MAGI2: variants seen among roughly 807,000 people sequenced by gnomAD.
The protein encoded by MAGI2 is membrane-associated guanylate kinase, WW and PDZ domain-containing protein 2.
In MAGI2, 35 loss-of-function variants were observed where a neutral mutation model predicts 133.3. The observed-to-expected ratio is 0.26, with a 90% CI of 0.20 to 0.35. MAGI2 has a LOEUF of 0.35. Among genes scored for constraint, MAGI2 ranks in the 10% least tolerant of loss-of-function variants. The pLI is 1.00. For missense variants in MAGI2, 1,636 were observed against 1,863.4 expected, an observed-to-expected ratio of 0.88 and a Z score of 2.25; for synonymous variants, 729 against 710.6, an observed-to-expected ratio of 1.03 and a Z score of -0.41.
At chr7:78,846,893 G>A (rs1792664081) in intron 2 of MAGI2, among the ~76,000 whole-genome samples, 1 of 151,872 alleles carries the variant, frequency 6.6e-6, no homozygotes, top group African/African-American at 2.4e-5. Flanking sequence ...TTTCCTGGTA[G>A]GGGAAGGGTT....
chr7:79,119,504 A>C (rs990925118), intron 1 of MAGI2, among the ~76,000 whole-genome samples: 1 of 152,132 alleles, frequency 6.6e-6, no homozygotes, highest in African/African-American at 2.4e-5. Flanking sequence ...ATCACATCAA[A>C]TGGATGAAAA....
At chr7:78,091,212 A>G (rs1486038896) in intron 20 of MAGI2, among the ~76,000 whole-genome samples, 3 of 152,152 alleles carry the variant, frequency 2.0e-5, no homozygotes, top group Non-Finnish European at 4.4e-5. Context: ...CTCCAAATTC[A>G]TGTGTTTGAA....
rs55707442 is a variant in MAGI2 at position 78,527,006 on chromosome 7, CAAAAAAAA to C, written c.539-5369_539-5362del. Among the ~76,000 whole-genome samples the C allele has an allele frequency of 5.2e-3, 236 of 45,406 alleles. 1 individual carries two copies. Among genetic ancestry groups the C allele is most frequent in the African/African-American group, 0.014 (211 of 14,620 alleles). 29.8% of individuals were successfully genotyped at this position (45,406 alleles called of 152,430 possible). ...ATGGTGACAGGGCAAGACTCCATCT[CAAAAAAAA>C]AAAAAAAAAAAAAAAAAAAAGAAAA... is the stretch of plus-strand genomic sequence containing the variant. On this transcript the variant is annotated intron_variant, in intron 3 of 21. Coordinates refer to ENST00000354212, the MANE Select transcript of MAGI2 (RefSeq NM_012301.4).
At chr7:78,796,591 T>C (rs1787635369) in intron 2 of MAGI2, among the ~76,000 whole-genome samples, 1 of 152,060 alleles carries the variant, frequency 6.6e-6, no homozygotes, top group Non-Finnish European at 1.5e-5. Flanking sequence ...TCCTCAAAAC[T>C]TTAAAATAGC....
intron 16 of MAGI2, among the ~76,000 whole-genome samples, chr7:78,147,692 A>G (rs1823446962): frequency 6.6e-6 from 1 of 152,154 alleles, no homozygotes; most frequent in Non-Finnish European, 1.5e-5. Flanking sequence ...AAAAAAGCAC[A>G]CTAACGATCT....
At chr7:78,029,442 G>T (rs1809324488) in intron 21 of MAGI2, among the ~76,000 whole-genome samples, 1 of 152,198 alleles carries the variant, frequency 6.6e-6, no homozygotes. Flanking sequence ...TTGAGGCAGT[G>T]GTTTTCAGAC....
At chr7:78,766,928 T>C (rs1825086807) in intron 2 of MAGI2, among the ~76,000 whole-genome samples, 2 of 152,190 alleles carry the variant, frequency 1.3e-5, no homozygotes, top group East Asian at 3.9e-4. Context: ...GTACAGTACA[T>C]GTATACTTTA....
intron 1 of MAGI2, among the ~76,000 whole-genome samples, chr7:79,014,324 G>A (rs1385410309): frequency 1.3e-5 from 2 of 152,032 alleles, no homozygotes; most frequent in Non-Finnish European, 2.9e-5. Flanking sequence ...CTTCCATTGA[G>A]AAGAGAAAAT....
intron 21 of MAGI2, among the ~76,000 whole-genome samples, chr7:78,065,301 G>A (rs1274997952): frequency 6.6e-6 from 1 of 152,150 alleles, no homozygotes; most frequent in Non-Finnish European, 1.5e-5. Flanking sequence ...GGGGTGGAAC[G>A]CGGCCAGTGC....
chr7:78,253,069 G>GTATC (rs1792592881), intron 10 of MAGI2: 1 of 151,892 alleles, frequency 6.6e-6, no homozygotes, highest in Non-Finnish European at 1.5e-5. Flanking sequence ...CTACTCCTAG[G>GTATC]TATCTACCCA....
chr7:78,428,957 G>A (rs1001005643), intron 6 of MAGI2, among the ~76,000 whole-genome samples: 1 of 152,114 alleles, frequency 6.6e-6, no homozygotes, highest in Non-Finnish European at 1.5e-5. Context: ...ACCATATAGC[G>A]TAATGGCAGA....
intron 9 of MAGI2, among the ~76,000 whole-genome samples, chr7:78,303,516 T>C (rs1261434437): frequency 6.6e-6 from 1 of 152,136 alleles, no homozygotes; most frequent in East Asian, 1.9e-4. Flanking sequence ...CCCACATTTT[T>C]ATAGTTCCAA....
At chr7:79,009,586 T>A (rs543053794) in intron 1 of MAGI2, among the ~76,000 whole-genome samples, 1 of 152,156 alleles carries the variant, frequency 6.6e-6, no homozygotes, top group South Asian at 2.1e-4. Context: ...CCTCCCATTA[T>A]TCTTTCCTTT....
intron 2 of MAGI2, among the ~76,000 whole-genome samples, chr7:78,861,319 A>C (rs1794142565): frequency 6.6e-6 from 1 of 152,162 alleles, no homozygotes; most frequent in Admixed American, 6.5e-5. Context: ...TCATGCTGGG[A>C]GTTTCAGACT....
chr7:78,135,322 G>A lies in MAGI2; in HGVS notation c.2846-116C>T, dbSNP rs1821998697. On this transcript the variant is annotated intron_variant, in intron 16 of 21. Transcript: ENST00000354212. The stretch of plus-strand genomic sequence containing the variant: ...AATTCCTTCCTTCGTCAGTGTATTT[G>A]CCTTTTGAAATCACACTAATTTCTA... 4 of 875,518 alleles carry A rather than the reference G, an allele frequency of 4.6e-6. No individual in the cohort carries two copies. The Admixed American group carries it at 7.3e-5, about 16-fold the overall frequency. The allele number at this position is 875,518 out of a possible 1,614,324, so 54.2% of individuals were successfully genotyped here.
At chr7:78,656,345 A>C (rs182986122) in intron 2 of MAGI2, among the ~76,000 whole-genome samples, 6 of 152,206 alleles carry the variant, frequency 3.9e-5, no homozygotes, top group African/African-American at 1.4e-4. Context: ...TATACAATGA[A>C]ATGTTATTCA....
At position 78,175,489 on chromosome 7, in the gene MAGI2, T is replaced by C. The variant is rs529307827; in HGVS notation, c.2403+2522A>G. On this transcript the variant is annotated intron_variant, in intron 14 of 21. Transcript: ENST00000354212. ...CTCTTCATGAATCCTTGGCTTCTAC[T>C]GTCACTTGCTGCCTCCCTGTAAGTG... Among the ~76,000 whole-genome samples, 5 of 152,300 alleles carry C rather than the reference T, an allele frequency of 3.3e-5. No individual in the cohort carries two copies. In the East Asian group the frequency reaches 9.7e-4, roughly 29 times the overall value.
intron 2 of MAGI2, among the ~76,000 whole-genome samples, chr7:78,978,820 G>A (rs774695981): frequency 1.3e-5 from 2 of 151,770 alleles, no homozygotes; most frequent in African/African-American, 4.8e-5. Context: ...AAATGCAAGG[G>A]AACTCTGTGT....
chr7:78,674,570 T>A (rs321980), intron 2 of MAGI2, among the ~76,000 whole-genome samples: 11 of 152,182 alleles, frequency 7.2e-5, no homozygotes, highest in East Asian at 3.9e-4. Context: ...TTTGTCTACC[T>A]CATTTATTAA....
Sources: gnomAD v4.1 joint callset for allele counts (sites outside exome capture counted in the v4.1 genomes callset) on GRCh38, gnomAD v4.1.1 for gene constraint, MANE v1.5 for transcripts, NCBI Gene and HGNC (gene_info 2026-07-23, HGNC 2026-07-21) for gene names.